Variants in IGF2BP3 observed in about 807,000 individuals in gnomAD.
The protein encoded by IGF2BP3 is insulin-like growth factor 2 mRNA-binding protein 3.
IGF2BP3 carries 9 observed loss-of-function variants against 73.8 expected under a neutral mutation model. The ratio of observed to expected loss-of-function variants is 0.12; its 90% CI spans 0.07 to 0.21. The LOEUF (loss-of-function observed/expected upper bound fraction) is 0.21, where lower values mean the gene tolerates loss of function less well. Ranked by LOEUF, IGF2BP3 falls within the 10% of genes least tolerant of loss-of-function variation. The pLI is 1.00. For missense variants in IGF2BP3, 542 were observed against 714.0 expected (o/e 0.76, Z 2.75); for synonymous variants, 258 against 256.7 (o/e 1.01, Z -0.05).
intron 10 of IGF2BP3, among the ~76,000 whole-genome samples, chr7:23,320,427 C>A (rs1190665790): frequency 1.1e-4 from 17 of 149,686 alleles, no homozygotes; most frequent in Non-Finnish European, 1.8e-4. Context: ...CCTAAAAAGG[C>A]CAATTCAAGG....
intron 10 of IGF2BP3, among the ~76,000 whole-genome samples, chr7:23,319,872 C>T (rs1031150091): frequency 6.6e-6 from 1 of 152,166 alleles, no homozygotes; most frequent in South Asian, 2.1e-4. Flanking sequence ...CCCTAAGATG[C>T]TTTCCCACAG....
intron 11 of IGF2BP3, among the ~76,000 whole-genome samples, chr7:23,318,513 C>A (rs1784051675): frequency 6.6e-6 from 1 of 152,096 alleles, no homozygotes; most frequent in Non-Finnish European, 1.5e-5. Flanking sequence ...GTGTGAGCCA[C>A]CGCACCTGGC....
intron 2 of IGF2BP3, among the ~76,000 whole-genome samples, chr7:23,461,138 A>G (rs1169961516): frequency 7.2e-6 from 1 of 139,698 alleles, no homozygotes; most frequent in African/African-American, 2.7e-5. Context: ...TCTCGGTGGT[A>G]TTCTACACAG....
intron 10 of IGF2BP3, among the ~76,000 whole-genome samples, chr7:23,329,774 T>C (rs1382696370): frequency 6.6e-6 from 1 of 152,224 alleles, no homozygotes; most frequent in African/African-American, 2.4e-5. Context: ...TGAGGTGCTG[T>C]GCATGACCTC....
At chr7:23,364,918 C>T (rs1785330734) in intron 3 of IGF2BP3, among the ~76,000 whole-genome samples, 1 of 152,006 alleles carries the variant, frequency 6.6e-6, no homozygotes, top group African/African-American at 2.4e-5. Flanking sequence ...TGTAATCCAG[C>T]ACTTTGGGAG....
Position 23,360,742 on chromosome 7 carries a change from C to A in IGF2BP3, c.401+792G>T, listed in dbSNP as rs1324570100. On this transcript the variant is annotated intron_variant, in intron 5 of 14. Coordinates refer to ENST00000258729, the MANE Select transcript of IGF2BP3 (RefSeq NM_006547.3). ...CAGCCAGTGTGGTCTTTTCTTTCAC[C>A]TTTCTGACACAGAGGACAGTCAGCC... Among the ~76,000 whole-genome samples, 3 of 152,292 alleles carry A rather than the reference C, an allele frequency of 2.0e-5. No individual in the cohort carries two copies. The South Asian group carries it at 6.2e-4, about 32-fold the overall frequency.
At chr7:23,343,882 A>G (rs1784770391) in intron 8 of IGF2BP3, 29 bp from the exon 9 acceptor site, 2 of 1,601,014 alleles carry the variant, frequency 1.2e-6, no homozygotes, top group Admixed American at 3.4e-5. Flanking sequence ...GGGAAAGAAA[A>G]AGAATGAAAA....
At chr7:23,455,692 C>G (rs1389837833) in intron 2 of IGF2BP3, among the ~76,000 whole-genome samples, 1 of 132,394 alleles carries the variant, frequency 7.6e-6, no homozygotes, top group Non-Finnish European at 1.7e-5. Context: ...AAGGGTCTTA[C>G]TATTTTTTTT....
chr7:23,330,787 C>T (rs185556930), intron 10 of IGF2BP3, among the ~76,000 whole-genome samples: 90 of 152,128 alleles, frequency 5.9e-4, no homozygotes, highest in Admixed American at 4.1e-3. Flanking sequence ...TAGAATCATA[C>T]ATTGCTTTTT....
At chr7:23,420,156 C>G (rs1333605271) in intron 2 of IGF2BP3, among the ~76,000 whole-genome samples, 2 of 152,204 alleles carry the variant, frequency 1.3e-5, no homozygotes, top group Non-Finnish European at 2.9e-5. Flanking sequence ...CTTGACATCT[C>G]AAGTGAAATA....
At chr7:23,318,218 A>G (rs1784044515) in intron 11 of IGF2BP3, among the ~76,000 whole-genome samples, 1 of 152,132 alleles carries the variant, frequency 6.6e-6, no homozygotes, top group South Asian at 2.1e-4. Flanking sequence ...AGGATACTGC[A>G]CACCACATGC....
chr7:23,450,580 T>C (rs993380196), intron 2 of IGF2BP3: 2 of 152,226 alleles, frequency 1.3e-5, no homozygotes, highest in Admixed American at 1.3e-4. Context: ...TGGATTCTTT[T>C]TGTAACAAGT....
At chr7:23,326,333 C>T (rs1237346942) in intron 10 of IGF2BP3, among the ~76,000 whole-genome samples, 1 of 152,180 alleles carries the variant, frequency 6.6e-6, no homozygotes, top group Non-Finnish European at 1.5e-5. Context: ...CCATCACTGG[C>T]CATCAGAGAA....
intron 3 of IGF2BP3, among the ~76,000 whole-genome samples, chr7:23,372,951 A>G (rs1207333917): frequency 6.6e-6 from 1 of 152,242 alleles, no homozygotes; most frequent in East Asian, 1.9e-4. Flanking sequence ...TGGAGAAATG[A>G]TTCAAACTCC....
In IGF2BP3 at chr7:23,311,344, C is replaced by T. The variant is rs527554982; in HGVS notation, c.*1018G>A. ...AAAGTCTTGCATCTCTTCACTGATG[C>T]ACTTTCTTTAGGTATTGATAGTCAG... is the stretch of plus-strand genomic sequence containing the variant. On this transcript the variant is annotated 3_prime_UTR_variant, in exon 15 of 15. Transcript: ENST00000258729. 2.0e-5 allele frequency: 3 copies of T among 152,704 alleles called. No individual in the cohort carries two copies. Among genetic ancestry groups the T allele is most frequent in the Admixed American group, 6.5e-5 (1 of 15,288 alleles). 9.5% of individuals were successfully genotyped at this position (152,704 alleles called of 1,614,324 possible). A position where few individuals can be genotyped will look rare whatever the true frequency, so the allele number is the denominator to read the frequency against.
intron 3 of IGF2BP3, among the ~76,000 whole-genome samples, chr7:23,372,625 G>T (rs944871590): frequency 1.3e-4 from 20 of 152,036 alleles, no homozygotes; most frequent in Admixed American, 3.3e-4. Flanking sequence ...TACGGAACTA[G>T]ACTGATTTTA....
At chr7:23,320,947 CAAAAAAAAAAAA>C (rs70966008) in intron 10 of IGF2BP3, among the ~76,000 whole-genome samples, 16 of 96,490 alleles carry the variant, frequency 1.7e-4, no homozygotes, top group African/African-American at 7.0e-4. Context: ...AACTCTGTCT[CAAAAAAAAAAAA>C]AAAAAAAAAA....
intron 5 of IGF2BP3, among the ~76,000 whole-genome samples, chr7:23,357,024 G>A (rs1474939795): frequency 6.6e-6 from 1 of 152,160 alleles, no homozygotes; most frequent in East Asian, 1.9e-4. Context: ...TATAATGCAT[G>A]GGACAAAGTC....
At chr7:23,375,538 T>G (rs530332613) in intron 3 of IGF2BP3, among the ~76,000 whole-genome samples, 1 of 152,212 alleles carries the variant, frequency 6.6e-6, no homozygotes, top group African/African-American at 2.4e-5. Flanking sequence ...GCTTACTCCT[T>G]TAGCAGAAAG....
Sources: allele counts gnomAD v4.1 joint callset (sites outside exome capture counted in the v4.1 genomes callset), GRCh38; gene constraint gnomAD v4.1.1; transcripts MANE v1.5; gene names NCBI Gene and HGNC (gene_info 2026-07-23, HGNC 2026-07-21).